RBFOX1: variants seen among roughly 807,000 people sequenced by gnomAD.
The protein encoded by RBFOX1 is RNA binding protein fox-1 homolog 1.
RBFOX1 carries 8 observed loss-of-function variants against 57.7 expected under a neutral mutation model. The observed-to-expected ratio is 0.14, with a 90% CI of 0.08 to 0.25. The LOEUF (loss-of-function observed/expected upper bound fraction) is 0.25. Among genes scored for constraint, RBFOX1 ranks in the 10% least tolerant of loss-of-function variants. The probability of loss-of-function intolerance (pLI) is 1.00; values close to 1 mark genes in which losing one functional copy is unlikely to be tolerated. For synonymous variants in RBFOX1, 326 were observed against 222.4 expected, an observed-to-expected ratio of 1.47 and a Z score of -4.15; for missense variants, 611 against 548.5, an observed-to-expected ratio of 1.11 and a Z score of -1.14.
rs141064443 is a variant in RBFOX1, at chr16:5,886,082, C to T, written c.351+18747C>T. On this transcript the variant is annotated intron_variant, in intron 4 of 19. Transcript: ENST00000641259. ...TCTGCCGTATCAAAATGTGCCTCCT[C>T]CCCTTTAGCCTTCTGCCATGGTCAT... Among the ~76,000 whole-genome samples, 1,059 of 152,318 alleles carry T rather than the reference C, an allele frequency of 7.0e-3. 17 individuals carry two copies. Among genetic ancestry groups the T allele is most frequent in the African/African-American group, 0.025 (1,021 of 41,574 alleles).
intron 1 of RBFOX1, among the ~76,000 whole-genome samples, chr16:5,373,365 A>C (rs1159950019): frequency 2.0e-5 from 3 of 152,062 alleles, no homozygotes; most frequent in East Asian, 3.9e-4. Flanking sequence ...AGGTGACTGG[A>C]TCATGGGATT....
intron 4 of RBFOX1, among the ~76,000 whole-genome samples, chr16:7,513,207 G>T (rs929645322): frequency 6.6e-6 from 1 of 152,096 alleles, no homozygotes; most frequent in Non-Finnish European, 1.5e-5. Flanking sequence ...AGGTTGCAGT[G>T]AGCCGAGAGC....
At chr16:7,041,379 T>G (rs1271249974) in intron 3 of RBFOX1, among the ~76,000 whole-genome samples, 1 of 152,138 alleles carries the variant, frequency 6.6e-6, no homozygotes, top group Admixed American at 6.5e-5. Flanking sequence ...CATTTCCTAT[T>G]TGGCTCTTAG....
intron 3 of RBFOX1, among the ~76,000 whole-genome samples, chr16:6,804,685 G>C (rs967991185): frequency 3.9e-5 from 6 of 152,162 alleles, no homozygotes; most frequent in African/African-American, 1.4e-4. Context: ...TAAAGAATAA[G>C]AGTGCTGACC....
rs147460059 is a variant in RBFOX1 at position 6,312,474 on chromosome 16, C to G, written c.-126-4521C>G. Among the ~76,000 whole-genome samples, 3 of 152,064 alleles carry G rather than the reference C, an allele frequency of 2.0e-5. No homozygotes were observed. In the East Asian group the frequency reaches 5.8e-4, roughly 29 times the overall value. On this transcript the variant is annotated intron_variant, in intron 1 of 15. Coordinates refer to ENST00000550418, the MANE Select transcript of RBFOX1 (RefSeq NM_018723.4). ...GCAAATTCCTAGGAGAAAATTGAAC[C>G]TAGATAGGGTGAGGTTTCGTCTGTT... is the stretch of plus-strand genomic sequence containing the variant.
chr16:6,225,883 C>A (rs2097413403), intron 1 of RBFOX1, among the ~76,000 whole-genome samples: 1 of 152,162 alleles, frequency 6.6e-6, no homozygotes, highest in African/African-American at 2.4e-5. Flanking sequence ...CCTTTGTAGA[C>A]TTTACAGAAA....
chr16:6,007,615 G>A (rs2152334840), intron 4 of RBFOX1, among the ~76,000 whole-genome samples: 1 of 152,324 alleles, frequency 6.6e-6, no homozygotes, highest in South Asian at 2.1e-4. Flanking sequence ...AACAACACTA[G>A]CAAGAGATAA....
chr16:7,266,336 C>G (rs1023293176), intron 4 of RBFOX1, among the ~76,000 whole-genome samples: 2 of 152,136 alleles, frequency 1.3e-5, no homozygotes, highest in Admixed American at 6.5e-5. Context: ...CCCTCTTGCT[C>G]CTGCTTTGGT....
At chr16:7,141,555 A>G (rs1444100681) in intron 4 of RBFOX1, among the ~76,000 whole-genome samples, 1 of 152,134 alleles carries the variant, frequency 6.6e-6, no homozygotes, top group East Asian at 1.9e-4. Flanking sequence ...TTTTATTTTT[A>G]TTTTGGAAGG....
intron 4 of RBFOX1, among the ~76,000 whole-genome samples, chr16:7,512,384 G>A (rs2075326605): frequency 6.6e-6 from 1 of 152,204 alleles, no homozygotes; most frequent in African/African-American, 2.4e-5. Context: ...GACATCTCTG[G>A]AGCCATTTGA....
intron 4 of RBFOX1, among the ~76,000 whole-genome samples, chr16:7,203,218 G>A (rs891745414): frequency 6.6e-6 from 1 of 152,120 alleles, no homozygotes; most frequent in Non-Finnish European, 1.5e-5. Context: ...ACCTTAGAAG[G>A]GAAGAAAATT....
rs578129950 is a variant in RBFOX1 at position 6,930,881 on chromosome 16, A to G, written c.-15-121176A>G. 2.6e-5 allele frequency among the ~76,000 whole-genome samples: 4 copies of G among 152,126 alleles called. No individual in the cohort carries two copies. In the East Asian group the frequency reaches 5.8e-4, roughly 22 times the overall value. Reference sequence around the variant, plus strand: ...AACTGTAATAGCATGTTCCTATCCAATACCCCTGCCCCCTCACCATAGCCG... The same window carrying G: ...AACTGTAATAGCATGTTCCTATCCAGTACCCCTGCCCCCTCACCATAGCCG... On this transcript the variant is annotated intron_variant, in intron 3 of 15. Transcript: ENST00000550418.
intron 2 of RBFOX1, among the ~76,000 whole-genome samples, chr16:5,593,627 C>G (rs1410476546): frequency 6.6e-6 from 1 of 152,160 alleles, no homozygotes; most frequent in Non-Finnish European, 1.5e-5. Context: ...TGACAGATTA[C>G]AAATGCCATG....
chr16:7,076,682 G>A (rs1486425554), intron 4 of RBFOX1, among the ~76,000 whole-genome samples: 1 of 152,058 alleles, frequency 6.6e-6, no homozygotes, highest in African/African-American at 2.4e-5. Flanking sequence ...ACAACACAAA[G>A]TGTAAACAAT....
At chr16:6,320,031 A>C (rs1220065640) in intron 2 of RBFOX1, among the ~76,000 whole-genome samples, 1 of 152,134 alleles carries the variant, frequency 6.6e-6, no homozygotes, top group African/African-American at 2.4e-5. Flanking sequence ...TTGACCAATA[A>C]GAATTGCGTC....
chr16:6,532,435 C>T (rs1401884992), intron 2 of RBFOX1, among the ~76,000 whole-genome samples: 2 of 152,158 alleles, frequency 1.3e-5, no homozygotes, highest in South Asian at 2.1e-4. Flanking sequence ...TTACTGTTTC[C>T]TCATTTCTTG....
chr16:7,683,226 G>C (rs576608524), intron 14 of RBFOX1, among the ~76,000 whole-genome samples: 1 of 148,930 alleles, frequency 6.7e-6, no homozygotes, highest in Non-Finnish European at 1.5e-5. Flanking sequence ...TTAAAATTGG[G>C]TTTATGCATG....
chr16:7,034,827 C>CTTTTTTTTTTTCT (rs2043824001), intron 3 of RBFOX1, among the ~76,000 whole-genome samples: 5 of 54,114 alleles, frequency 9.2e-5, no homozygotes, highest in Admixed American at 2.4e-4. Context: ...TATTGCATTA[C>CTTTTTTTTTTTCT]TTTTTTTTTT....
chr16:6,047,783 T>C (rs1385054788), intron 1 of RBFOX1, among the ~76,000 whole-genome samples: 1 of 152,220 alleles, frequency 6.6e-6, no homozygotes, highest in Non-Finnish European at 1.5e-5. Context: ...TTTTCACTCA[T>C]TGACTAATTC....
Sources: allele counts gnomAD v4.1 joint callset (sites outside exome capture counted in the v4.1 genomes callset), GRCh38; gene constraint gnomAD v4.1.1; transcripts MANE v1.5; gene names NCBI Gene and HGNC (gene_info 2026-07-23, HGNC 2026-07-21).